Variants in EEF2KMT observed in about 807,000 individuals in gnomAD.
The protein encoded by EEF2KMT is eukaryotic elongation factor 2 lysine methyltransferase.
Under a neutral mutation model 35.1 loss-of-function variants are expected in EEF2KMT, and 30 were observed. That is an observed-to-expected ratio of 0.85 (90% confidence interval 0.64 to 1.16). EEF2KMT has a LOEUF of 1.16. Ranked by LOEUF, EEF2KMT falls within the 50% of genes most tolerant of loss-of-function variation. The pLI, the probability that EEF2KMT is intolerant of heterozygous loss-of-function variation, is 0.00. For synonymous variants in EEF2KMT, 190 were observed against 187.7 expected, an observed-to-expected ratio of 1.01 and a Z score of -0.10; for missense variants, 499 against 438.2, an observed-to-expected ratio of 1.14 and a Z score of -1.24.
In EEF2KMT at chr16:5,084,915, T is replaced by G; in HGVS notation, c.*717A>C. 1 of 1,596,392 alleles carries G rather than the reference T, an allele frequency of 6.3e-7. No homozygotes were observed. The highest frequency in any genetic ancestry group is 8.5e-7 in the Non-Finnish European group (1 of 1,179,746). On this transcript the variant is annotated 3_prime_UTR_variant, in exon 8 of 8. Transcript: ENST00000427587. ...CCAGAGGCTAAAACCCCAGGACCCC[T>G]GCTGTCCTTCCCGCAGCTTCTTCTT...
intron 7 of EEF2KMT, among the ~76,000 whole-genome samples, chr16:5,086,097 A>T (rs1344153978): frequency 6.6e-6 from 1 of 152,342 alleles, no homozygotes; most frequent in East Asian, 1.9e-4. Context: ...ACACTTTGGG[A>T]GGCCAAGGCG....
Position 5,089,145 on chromosome 16 carries a change from C to G in EEF2KMT, c.854G>C (p.Arg285Pro), listed in dbSNP as rs147678499. 1 of 1,612,678 alleles carries G rather than the reference C, an allele frequency of 6.2e-7. No homozygotes were observed. The highest frequency in any genetic ancestry group is 1.7e-5 in the Admixed American group (1 of 60,022). ...GAACAGCTGGCACGTCTCTGGGTTG[C>G]GGACGGTAAAGGCCACGTAGACCTC... ...APEVYVAFTV[R>P]NPETCQLFTT... The change falls in exon 7 of 8, where the codon CGC (arginine) becomes CCC (proline). Residue 285 changes from arginine (R) to proline (P), a missense_variant. Coordinates refer to ENST00000427587, the MANE Select transcript of EEF2KMT (RefSeq NM_201400.4).
In EEF2KMT at chr16:5,090,265, G is replaced by A. The variant is rs769376681; in HGVS notation, c.561C>T (p.Ser187=). 33 of 1,612,044 alleles carry A rather than the reference G, an allele frequency of 2.0e-5. No individual in the cohort carries two copies. Among genetic ancestry groups the A allele is most frequent in the Non-Finnish European group, 2.6e-5 (31 of 1,179,850 alleles). ...KMCRPRAYIF[S]DCHSRVLEQL... is the part of the protein sequence containing the mutation. ...GCTCAAGGACCCGGCTGTGACAGTCGCTGAAGATGTATGCCCGGGGGCGGC... is the reference window on the plus strand; with the variant it reads ...GCTCAAGGACCCGGCTGTGACAGTCACTGAAGATGTATGCCCGGGGGCGGC... The change falls in exon 6 of 8, where the codon AGC becomes AGT. Residue 187 remains serine (S), a synonymous_variant. Coordinates refer to ENST00000427587, the MANE Select transcript of EEF2KMT (RefSeq NM_201400.4). This position sits in a 1 kb window ranked among gnomAD's most constrained non-coding sequence, Gnocchi z 4.1.
chr16:5,097,740 G>A lies in EEF2KMT; in HGVS notation c.-1C>T, dbSNP rs762093623. On this transcript the variant is annotated 5_prime_UTR_variant, in exon 1 of 8. Transcript: ENST00000427587. The stretch of plus-strand genomic sequence containing the variant: ...TCCCCGCGTTCTCCTCGGGCGCCAT[G>A]ACGTGGGCGGGGCCGCAGCGTTGCC... The A allele has an allele frequency of 1.1e-5, 17 of 1,557,914 alleles. No individual in the cohort carries two copies. Among genetic ancestry groups the A allele is most frequent in the African/African-American group, 2.7e-5 (2 of 73,642 alleles).
chr16:5,091,185 G>C (rs1240883369), intron 4 of EEF2KMT, among the ~76,000 whole-genome samples: 1 of 152,154 alleles, frequency 6.6e-6, no homozygotes, highest in Non-Finnish European at 1.5e-5. Context: ...GGGTTGAAGA[G>C]ATTCTCCTGC....
Position 5,090,227 on chromosome 16 carries a change from T to G in EEF2KMT, c.599A>C (p.Asn200Thr). ...TAATGAGAGGCCATTGAGAAGGACA[T>G]TCCCTCGGAGCTGCTCAAGGACCCG... The part of the protein sequence containing the change: ...HSRVLEQLRG[N>T]VLLNGLSLEA... The change falls in exon 6 of 8, where the codon AAT (asparagine) becomes ACT (threonine). Residue 200 changes from asparagine (N) to threonine (T), a missense_variant. Coordinates refer to ENST00000427587, the MANE Select transcript of EEF2KMT (RefSeq NM_201400.4). The surrounding 1 kb of genome is among the most constrained non-coding windows in gnomAD (Gnocchi z 4.1). 2 of 1,611,972 alleles carry G rather than the reference T, an allele frequency of 1.2e-6. No individual in the cohort carries two copies. The highest frequency in any genetic ancestry group is 1.1e-5 in the South Asian group (1 of 90,994).
intron 7 of EEF2KMT, chr16:5,087,436 C>A (rs181031184): frequency 6.6e-6 from 1 of 152,188 alleles, no homozygotes; most frequent in East Asian, 1.9e-4. Context: ...CATCCTCCCG[C>A]GTCAGCCTCC....
intron 2 of EEF2KMT, among the ~76,000 whole-genome samples, chr16:5,095,047 G>A (rs1270225466): frequency 1.3e-5 from 2 of 152,144 alleles, no homozygotes; most frequent in Non-Finnish European, 2.9e-5. Flanking sequence ...CCCCACCCTG[G>A]GCAAAGCAAG....
chr16:5,085,876 C>G (rs1567174942), intron 7 of EEF2KMT, 144 bp from the exon 8 acceptor site: 4 of 709,286 alleles, frequency 5.6e-6, no homozygotes, highest in Non-Finnish European at 7.8e-6. Flanking sequence ...CAGGCCCACC[C>G]AGGTGCCTAG....
At chr16:5,093,323 A>G (rs1957381093) in intron 3 of EEF2KMT, among the ~76,000 whole-genome samples, 161 bp downstream of exon 3, 1 of 152,236 alleles carries the variant, frequency 6.6e-6, no homozygotes, top group Admixed American at 6.5e-5. Context: ...CCCGCCCTGC[A>G]CTGTCTCCCA....
rs1957112022 is a variant in EEF2KMT at position 5,085,196 on chromosome 16, G to C, written c.*436C>G. On this transcript the variant is annotated 3_prime_UTR_variant, in exon 8 of 8. Transcript: ENST00000427587. The stretch of plus-strand genomic sequence containing the variant: ...CTCCTCATCCTGCGTTTGGTCTCCA[G>C]GTGTCCCCTTTCTGCCGTGTTCCTA... The C allele has an allele frequency of 1.8e-6, 1 of 568,262 alleles. No individual in the cohort carries two copies. The highest frequency in any genetic ancestry group is 1.9e-5 in the African/African-American group (1 of 53,226). The allele number at this position is 568,262 out of a possible 1,614,324, so 35.2% of individuals were successfully genotyped here.
chr16:5,090,189 T>G lies in EEF2KMT; in HGVS notation c.637A>C (p.Thr213Pro). 6.2e-7 allele frequency: 1 copy of G among 1,611,844 alleles called. No individual in the cohort carries two copies. Among genetic ancestry groups the G allele is most frequent in the Non-Finnish European group, 8.5e-7 (1 of 1,179,834 alleles). Residue 213 changes from threonine (T) to proline (P), a missense_variant, in exon 6 of 8, where the codon ACT becomes CCT. Transcript: ENST00000427587. This position sits in a 1 kb window ranked among gnomAD's most constrained non-coding sequence, Gnocchi z 4.1. ...ACCCTGGGGCTGTCTAACTTGGCAGTGATGTCTGCCTCTAATGAGAGGCCA... is the reference window on the plus strand; with the variant it reads ...ACCCTGGGGCTGTCTAACTTGGCAGGGATGTCTGCCTCTAATGAGAGGCCA... ...LNGLSLEADI[T>P]AKLDSPRVTV...
At chr16:5,094,602 C>T (rs1444753254) in intron 2 of EEF2KMT, among the ~76,000 whole-genome samples, 3 of 152,154 alleles carry the variant, frequency 2.0e-5, no homozygotes, top group Non-Finnish European at 2.9e-5. Context: ...ACATTTCATG[C>T]TTCACCACCT....
intron 7 of EEF2KMT, chr16:5,087,208 A>G (rs1957210645): frequency 6.6e-6 from 1 of 152,150 alleles, no homozygotes; most frequent in Non-Finnish European, 1.5e-5. Flanking sequence ...GCAATACCTG[A>G]TGAGCTAAAA....
At chr16:5,087,682 C>T (rs1957227910) in intron 7 of EEF2KMT, among the ~76,000 whole-genome samples, 1 of 151,540 alleles carries the variant, frequency 6.6e-6, no homozygotes, top group Non-Finnish European at 1.5e-5. Flanking sequence ...CCTGTAGTCC[C>T]AGCTACTCAG....
intron 1 of EEF2KMT, 142 bp downstream of exon 1, chr16:5,097,502 G>C (rs1392707226): frequency 6.9e-7 from 1 of 1,443,210 alleles, no homozygotes; most frequent in Non-Finnish European, 9.1e-7. Flanking sequence ...CAGGGACGGG[G>C]ACCGGGTCGC....
chr16:5,090,314 G>C lies in EEF2KMT; in HGVS notation c.512C>G (p.Thr171Arg), dbSNP rs769667770. Residue 171 changes from threonine to arginine, a missense_variant, in exon 6 of 8, where the codon ACA (threonine) becomes AGA (arginine). Coordinates refer to ENST00000427587, the MANE Select transcript of EEF2KMT (RefSeq NM_201400.4). The surrounding 1 kb of genome is among the most constrained non-coding windows in gnomAD (Gnocchi z 4.1). Reference protein sequence around the residue: ...VLELGSGAGLTGLAICKMCRP... With the variant: ...VLELGSGAGLRGLAICKMCRP... ...GCACATCTTGCAGATGGCCAGGCCT[G>C]TGAGGCCAGCACCACTGCCAAGCTC... 1 of 1,612,072 alleles carries C rather than the reference G, an allele frequency of 6.2e-7. No individual in the cohort carries two copies. The highest frequency in any genetic ancestry group is 1.7e-5 in the Admixed American group (1 of 60,024).
chr16:5,094,326 G>A (rs575519189), intron 2 of EEF2KMT, among the ~76,000 whole-genome samples: 5 of 152,274 alleles, frequency 3.3e-5, no homozygotes, highest in Admixed American at 6.5e-5. Flanking sequence ...GCAGTGGCCC[G>A]ATCTTGGCTC....
At chr16:5,088,980 T>C (rs562717687) in intron 7 of EEF2KMT, 127 bp downstream of exon 7, 33 of 1,584,920 alleles carry the variant, frequency 2.1e-5, no homozygotes, top group Non-Finnish European at 2.8e-5. Flanking sequence ...TCTGCCTGAG[T>C]TCCCCCCATG....
Sources: gnomAD v4.1 joint callset for allele counts (sites outside exome capture counted in the v4.1 genomes callset) on GRCh38, gnomAD v4.1.1 for gene constraint, Gnocchi (gnomAD v3.1) non-coding constraint, MANE v1.5 for transcripts, NCBI Gene and HGNC (gene_info 2026-07-23, HGNC 2026-07-21) for gene names.